Variants in COL25A1 observed in about 807,000 individuals in gnomAD.
COL25A1 encodes collagen type XXV alpha 1 chain.
In COL25A1, 103 loss-of-function variants were observed where a neutral mutation model predicts 128.4. That is an observed-to-expected ratio of 0.80 (90% CI 0.68 to 0.94). The LOEUF (loss-of-function observed/expected upper bound fraction) is 0.94, where lower values mean the gene tolerates loss of function less well. Ranked by LOEUF, COL25A1 falls within the 40% of genes least tolerant of loss-of-function variation. The pLI is 0.00. For missense variants in COL25A1, 745 were observed against 840.0 expected, an observed-to-expected ratio of 0.89 and a Z score of 1.40; for synonymous variants, 279 against 277.2, an observed-to-expected ratio of 1.01 and a Z score of -0.06.
intron 3 of COL25A1, among the ~76,000 whole-genome samples, chr4:109,070,661 T>C (rs1446226673): frequency 6.6e-6 from 1 of 150,922 alleles, no homozygotes; most frequent in Non-Finnish European, 1.5e-5. Flanking sequence ...ACATTAGGTA[T>C]AACTCCTAAT....
At chr4:108,982,125 C>T (rs542894709) in intron 6 of COL25A1, among the ~76,000 whole-genome samples, 17 of 152,220 alleles carry the variant, frequency 1.1e-4, no homozygotes, top group East Asian at 3.9e-4. Context: ...ACCGAAGAGG[C>T]GGAGCTTGCA....
chr4:108,880,573 C>T (rs1016900682), intron 19 of COL25A1, among the ~76,000 whole-genome samples: 1 of 152,208 alleles, frequency 6.6e-6, no homozygotes, highest in Admixed American at 6.5e-5. Flanking sequence ...GCATTTACTA[C>T]ATGCTTGGCA....
chr4:109,124,625 C>G (rs1490770536), intron 3 of COL25A1, among the ~76,000 whole-genome samples: 1 of 151,800 alleles, frequency 6.6e-6, no homozygotes, highest in Non-Finnish European at 1.5e-5. Flanking sequence ...TTTAATTAAA[C>G]TTAATTAAAT....
intron 3 of COL25A1, among the ~76,000 whole-genome samples, chr4:109,218,357 G>GTTTTTTTTTTGTTTGTTTTTTTTTTTTT (rs1553961829): frequency 8.4e-4 from 62 of 73,546 alleles, no homozygotes; most frequent in Middle Eastern, 0.017. Flanking sequence ...GTTTTTTGGG[G>GTTTTTTTTTTGTTTGTTTTTTTTTTTTT]TTTTTTTTTT....
intron 3 of COL25A1, among the ~76,000 whole-genome samples, chr4:109,170,038 T>C (rs1400506569): frequency 6.6e-6 from 1 of 152,238 alleles, no homozygotes; most frequent in African/African-American, 2.4e-5. Context: ...AAAGGTTTGG[T>C]GTTTCTAGCT....
intron 5 of COL25A1, among the ~76,000 whole-genome samples, chr4:109,033,213 A>C (rs1759032790): frequency 6.6e-6 from 1 of 152,230 alleles, no homozygotes; most frequent in Admixed American, 6.5e-5. Flanking sequence ...CATACACACA[A>C]AGAGTGTATA....
At chr4:108,819,472 A>C (rs766722448) in intron 35 of COL25A1, 143 bp from the exon 36 acceptor site, 2 of 632,862 alleles carry the variant, frequency 3.2e-6, no homozygotes, top group Admixed American at 6.2e-5. Flanking sequence ...AGTTGGGCAA[A>C]GTAAAATGGA....
chr4:109,028,664 T>A (rs1758545328), intron 5 of COL25A1, among the ~76,000 whole-genome samples: 1 of 151,658 alleles, frequency 6.6e-6, no homozygotes, highest in African/African-American at 2.4e-5. Flanking sequence ...AGGCGGAGGT[T>A]GCAGGGGGCC....
At chr4:109,293,683 G>A (rs966073560) in intron 3 of COL25A1, among the ~76,000 whole-genome samples, 3 of 151,886 alleles carry the variant, frequency 2.0e-5, no homozygotes, top group African/African-American at 4.8e-5. Flanking sequence ...TGACAAATAA[G>A]GTCTACATCT....
intron 5 of COL25A1, among the ~76,000 whole-genome samples, chr4:109,014,110 T>G (rs991516549): frequency 6.6e-6 from 1 of 152,128 alleles, no homozygotes; most frequent in Non-Finnish European, 1.5e-5. Context: ...GGTTTGAGAC[T>G]AGCCTGGCAA....
At chr4:109,087,231 T>C (rs1427486098) in intron 3 of COL25A1, among the ~76,000 whole-genome samples, 3 of 151,980 alleles carry the variant, frequency 2.0e-5, no homozygotes, top group African/African-American at 7.3e-5. Context: ...CATTACTGTT[T>C]CTTTTAGCGT....
intron 3 of COL25A1, among the ~76,000 whole-genome samples, chr4:109,253,915 G>A (rs1303425865): frequency 7.2e-5 from 11 of 152,120 alleles, no homozygotes; most frequent in Non-Finnish European, 1.5e-4. Flanking sequence ...GTGAAACCCT[G>A]TCTCTACTAA....
chr4:109,092,877 T>C (rs908843855), intron 3 of COL25A1, among the ~76,000 whole-genome samples: 9 of 152,164 alleles, frequency 5.9e-5, no homozygotes, highest in Non-Finnish European at 1.2e-4. Context: ...ACTCAATCTG[T>C]GTGAACCTCA....
rs148539898 is a variant in COL25A1, at chr4:108,995,444, A to G, written c.438+14914T>C. Among the ~76,000 whole-genome samples the G allele has an allele frequency of 4.6e-3, 708 of 152,338 alleles. 8 individuals carry two copies. Among genetic ancestry groups the G allele is most frequent in the African/African-American group, 0.016 (675 of 41,586 alleles). On this transcript the variant is annotated intron_variant, in intron 6 of 37. Coordinates refer to ENST00000399132, the MANE Select transcript of COL25A1 (RefSeq NM_198721.4). ...AAAAAGAGTGAAAAGAAATGAACAA[A>G]GCCTCCAGGAAATATGGGACTATGT...
At chr4:109,157,750 T>C (rs943110434) in intron 3 of COL25A1, among the ~76,000 whole-genome samples, 1 of 152,238 alleles carries the variant, frequency 6.6e-6, no homozygotes, top group Non-Finnish European at 1.5e-5. Context: ...CCACCATCTA[T>C]ATATAAAAAA....
chr4:109,045,855 A>G (rs2125934983), intron 5 of COL25A1, among the ~76,000 whole-genome samples: 1 of 152,292 alleles, frequency 6.6e-6, no homozygotes, highest in South Asian at 2.1e-4. Flanking sequence ...AACTTCTTTA[A>G]AATGTAGTCA....
At chr4:108,975,243 T>G (rs915789406) in intron 6 of COL25A1, among the ~76,000 whole-genome samples, 1 of 152,170 alleles carries the variant, frequency 6.6e-6, no homozygotes, top group East Asian at 1.9e-4. Context: ...TCACCTTAGG[T>G]CAGGAGTTCA....
chr4:109,289,124 A>C (rs2126283067), intron 3 of COL25A1, among the ~76,000 whole-genome samples: 1 of 152,140 alleles, frequency 6.6e-6, no homozygotes, highest in African/African-American at 2.4e-5. Context: ...CATCTTTCCT[A>C]TGTATCTGAT....
At chr4:108,981,464 A>C (rs1319020182) in intron 6 of COL25A1, among the ~76,000 whole-genome samples, 1 of 152,216 alleles carries the variant, frequency 6.6e-6, no homozygotes, top group Non-Finnish European at 1.5e-5. Context: ...AAATCATAGG[A>C]GTTCCCGTAT....
Sources: gnomAD v4.1 joint callset for allele counts (sites outside exome capture counted in the v4.1 genomes callset) on GRCh38, gnomAD v4.1.1 for gene constraint, MANE v1.5 for transcripts, NCBI Gene and HGNC (gene_info 2026-07-23, HGNC 2026-07-21) for gene names.